Variants in LRP1B observed in about 807,000 individuals in gnomAD.
LRP1B encodes LDL receptor related protein 1B, also known as low-density lipoprotein receptor-related protein 1B.
A neutral mutation model predicts 556.6 loss-of-function variants in LRP1B; 217 were observed. The ratio of observed to expected loss-of-function variants is 0.39; its 90% CI spans 0.35 to 0.44. The LOEUF is 0.44. Ranked by LOEUF, LRP1B falls within the 20% of genes least tolerant of loss-of-function variation. LRP1B has a pLI of 1.00. For synonymous variants in LRP1B, 2,047 were observed against 1,865.8 expected, an observed-to-expected ratio of 1.10 and a Z score of -2.50; for missense variants, 5,053 against 5,620.8, an observed-to-expected ratio of 0.90 and a Z score of 3.23.
chr2:140,867,939 AT>A, intron 26 of LRP1B, 105 bp from the exon 27 acceptor site: 1 of 1,326,516 alleles, frequency 7.5e-7, no homozygotes, highest in Non-Finnish European at 1.0e-6. Flanking sequence ...TTTTATAAAT[AT>A]TTTTATGGGT....
At chr2:141,785,008 C>T (rs1022729911) in intron 2 of LRP1B, among the ~76,000 whole-genome samples, 14 of 151,932 alleles carry the variant, frequency 9.2e-5, no homozygotes, top group African/African-American at 3.4e-4. Context: ...GAGGAGTTCT[C>T]TGGCATACTA....
In LRP1B at chr2:140,640,107, A is replaced by G. The variant is rs1351827086; in HGVS notation, c.6800-38468T>C. On this transcript the variant is annotated intron_variant, in intron 41 of 90. Coordinates refer to ENST00000389484, the MANE Select transcript of LRP1B (RefSeq NM_018557.3). ...AAGCTCCGCCTCCCGGGTTCACGCC[A>G]TTCTCCTGCCTCAGCCTCCCGAGTA... Among the ~76,000 whole-genome samples, 4 of 151,702 alleles carry G rather than the reference A, an allele frequency of 2.6e-5. No individual in the cohort carries two copies. In the East Asian group the frequency reaches 7.8e-4, roughly 30 times the overall value.
At chr2:141,710,277 A>G (rs1475555419) in intron 2 of LRP1B, among the ~76,000 whole-genome samples, 1 of 152,166 alleles carries the variant, frequency 6.6e-6, no homozygotes. Context: ...TCAGGTTTTA[A>G]AAAAATTTTC....
chr2:140,754,866 A>G (rs1688692711), intron 35 of LRP1B, among the ~76,000 whole-genome samples: 2 of 151,940 alleles, frequency 1.3e-5, no homozygotes, highest in Admixed American at 1.3e-4. Context: ...GAAAATACTA[A>G]CAAAATCAAA....
rs377355210 is a variant in LRP1B at position 140,414,637 on chromosome 2, A to G, written c.10414+27867T>C. Among the ~76,000 whole-genome samples the G allele has an allele frequency of 3.0e-4, 45 of 152,298 alleles. No individual in the cohort carries two copies. The South Asian group carries it at 9.3e-3, about 32-fold the overall frequency. On this transcript the variant is annotated intron_variant, in intron 66 of 90. Transcript: ENST00000389484. ...TAATATGGACATTTATCAGTTCCCA[A>G]ATAATAGTTTTATAATTTCTTATGC...
intron 1 of LRP1B, among the ~76,000 whole-genome samples, chr2:141,917,224 G>A (rs1700061095): frequency 6.6e-6 from 1 of 152,118 alleles, no homozygotes; most frequent in South Asian, 2.1e-4. Context: ...TCAGTTGTCA[G>A]CACAAGAGAA....
At chr2:141,407,253 A>G (rs1305117592) in intron 3 of LRP1B, among the ~76,000 whole-genome samples, 1 of 152,162 alleles carries the variant, frequency 6.6e-6, no homozygotes, top group Non-Finnish European at 1.5e-5. Flanking sequence ...ATAATTCTCA[A>G]TAAAATAATA....
In LRP1B at chr2:141,013,599, T is replaced by G; in HGVS notation, c.2337A>C (p.Pro779=). 1 of 1,611,434 alleles carries G rather than the reference T, an allele frequency of 6.2e-7. No individual in the cohort carries two copies. Among genetic ancestry groups the G allele is most frequent in the Non-Finnish European group, 8.5e-7 (1 of 1,178,734 alleles). The change falls in exon 14 of 91, where the codon CCA becomes CCC. Residue 779 remains proline, a synonymous_variant. Transcript: ENST00000389484. ...SEVTLLRHER[P]PLFGLQIYDP... ...CATAAATCTGAAGCCCAAATAGGGG[T>G]GGTCTTTCATGCCTCAGCAATGTCA...
chr2:142,039,118 A>G (rs184400033), intron 1 of LRP1B, among the ~76,000 whole-genome samples: 4 of 151,654 alleles, frequency 2.6e-5, no homozygotes, highest in Admixed American at 2.0e-4. Flanking sequence ...TCTTGGCACT[A>G]TCCCCACAGC....
chr2:140,326,526 C>T (rs1408892244), intron 79 of LRP1B, among the ~76,000 whole-genome samples: 1 of 151,182 alleles, frequency 6.6e-6, no homozygotes, highest in Admixed American at 6.6e-5. Flanking sequence ...GACCAGCTGG[C>T]CAACATGGTG....
At chr2:140,545,777 T>C (rs570234913) in intron 43 of LRP1B, among the ~76,000 whole-genome samples, 39 of 152,276 alleles carry the variant, frequency 2.6e-4, no homozygotes, top group African/African-American at 9.4e-4. Flanking sequence ...TAAAACCTTT[T>C]TTTTCTAGCT....
At chr2:141,840,074 G>T (rs1251464890) in intron 1 of LRP1B, among the ~76,000 whole-genome samples, 2 of 152,012 alleles carry the variant, frequency 1.3e-5, no homozygotes, top group Non-Finnish European at 1.5e-5. Flanking sequence ...GTTGGCCAAA[G>T]ATTTTTATTT....
intron 2 of LRP1B, among the ~76,000 whole-genome samples, chr2:141,724,668 G>GT (rs1285649602): frequency 2.0e-5 from 3 of 151,650 alleles, no homozygotes; most frequent in Non-Finnish European, 4.4e-5. Context: ...GACTATCAGT[G>GT]TTTTTGTTTG....
chr2:140,845,549 A>C (rs900253780), intron 29 of LRP1B, among the ~76,000 whole-genome samples: 2 of 152,108 alleles, frequency 1.3e-5, no homozygotes, highest in African/African-American at 4.8e-5. Context: ...GAACAGTTAA[A>C]AGAAAAAAAA....
intron 2 of LRP1B, among the ~76,000 whole-genome samples, chr2:141,601,544 C>T (rs974818011): frequency 1.3e-5 from 2 of 152,046 alleles, no homozygotes; most frequent in African/African-American, 4.8e-5. Context: ...CCTTTTAATA[C>T]TTGCCACTTC....
intron 1 of LRP1B, among the ~76,000 whole-genome samples, chr2:141,914,023 G>C (rs1394589186): frequency 1.3e-5 from 2 of 152,140 alleles, no homozygotes. Flanking sequence ...TGGGATTACA[G>C]ACGTGAGCCA....
intron 47 of LRP1B, among the ~76,000 whole-genome samples, chr2:140,526,745 C>T (rs1690455095): frequency 6.6e-6 from 1 of 151,236 alleles, no homozygotes; most frequent in African/African-American, 2.4e-5. Flanking sequence ...TCTCTTTCCA[C>T]CTTCAACATT....
chr2:141,839,659 C>T (rs1697399309), intron 1 of LRP1B, among the ~76,000 whole-genome samples: 1 of 152,052 alleles, frequency 6.6e-6, no homozygotes, highest in Non-Finnish European at 1.5e-5. Flanking sequence ...GGTTGTATTT[C>T]AACTTTAGCA....
At chr2:141,231,504 C>T (rs1224964181) in intron 5 of LRP1B, among the ~76,000 whole-genome samples, 5 of 152,166 alleles carry the variant, frequency 3.3e-5, no homozygotes, top group Admixed American at 6.6e-5. Flanking sequence ...GGGAAACTTA[C>T]ACACAGAGAT....
Sources: gnomAD v4.1 joint callset for allele counts (sites outside exome capture counted in the v4.1 genomes callset) on GRCh38, gnomAD v4.1.1 for gene constraint, MANE v1.5 for transcripts, NCBI Gene and HGNC (gene_info 2026-07-23, HGNC 2026-07-21) for gene names.